Variants in ENOX1 observed in about 807,000 individuals in gnomAD.
The protein encoded by ENOX1 is ecto-NOX disulfide-thiol exchanger 1.
ENOX1 carries 42 observed loss-of-function variants against 82.5 expected under a neutral mutation model. The observed-to-expected ratio is 0.51, with a 90% CI of 0.40 to 0.66. The LOEUF is 0.66. Ranked by LOEUF, ENOX1 falls within the 30% of genes least tolerant of loss-of-function variation. ENOX1 has a pLI of 0.00. For missense variants in ENOX1, 608 were observed against 811.6 expected, an observed-to-expected ratio of 0.75 and a Z score of 3.05; for synonymous variants, 271 against 282.2, an observed-to-expected ratio of 0.96 and a Z score of 0.40.
chr13:43,612,011 C>T (rs1158518999), intron 2 of ENOX1, among the ~76,000 whole-genome samples: 1 of 152,166 alleles, frequency 6.6e-6, no homozygotes, highest in East Asian at 1.9e-4. Context: ...CATTCATATC[C>T]AACCAATTGC....
At chr13:43,332,548 A>T (rs2048466080) in intron 9 of ENOX1, among the ~76,000 whole-genome samples, 1 of 152,146 alleles carries the variant, frequency 6.6e-6, no homozygotes, top group African/African-American at 2.4e-5. Context: ...CAGTATATAA[A>T]AAAACAGGAT....
intron 9 of ENOX1, among the ~76,000 whole-genome samples, chr13:43,327,252 G>T (rs569067066): frequency 2.6e-5 from 4 of 152,256 alleles, no homozygotes; most frequent in African/African-American, 9.6e-5. Flanking sequence ...ACCCTCCATA[G>T]CTCCTCATGA....
At chr13:43,446,360 A>G (rs1270301119) in intron 3 of ENOX1, among the ~76,000 whole-genome samples, 1 of 152,178 alleles carries the variant, frequency 6.6e-6, no homozygotes, top group Non-Finnish European at 1.5e-5. Flanking sequence ...CTGGACTCAG[A>G]AATTCTCCAT....
At position 43,470,384 on chromosome 13, in the gene ENOX1, A is replaced by G. The variant is rs75440566; in HGVS notation, c.-75+13625T>C. Among the ~76,000 whole-genome samples the G allele has an allele frequency of 6.6e-5, 2 of 30,454 alleles. 1 individual carries two copies. Among genetic ancestry groups the G allele is most frequent in the Non-Finnish European group, 2.2e-4 (2 of 9,044 alleles). 20.0% of individuals were successfully genotyped at this position (30,454 alleles called of 152,430 possible). ...TATATACGTATATATATACATATAT[A>G]TACGTATATATATGTGTATATATAT... On this transcript the variant is annotated intron_variant, in intron 3 of 16. Transcript: ENST00000690772.
intron 7 of ENOX1, 91 bp from the exon 8 acceptor site, chr13:43,356,243 AC>A (rs1450927036): frequency 9.1e-7 from 1 of 1,099,322 alleles, no homozygotes; most frequent in Non-Finnish European, 1.3e-6. Context: ...GCAAATGCTC[AC>A]TTATTTCTTG....
intron 1 of ENOX1, among the ~76,000 whole-genome samples, chr13:43,710,129 T>C (rs1786494682): frequency 6.6e-6 from 1 of 151,648 alleles, no homozygotes; most frequent in African/African-American, 2.4e-5. Context: ...TCCAACAGAG[T>C]ATTAAAATAG....
chr13:43,658,041 A>T (rs2084530974), intron 2 of ENOX1, among the ~76,000 whole-genome samples: 1 of 152,138 alleles, frequency 6.6e-6, no homozygotes, highest in Admixed American at 6.6e-5. Flanking sequence ...GTAGTATCTC[A>T]CTGACAATGA....
intron 12 of ENOX1, among the ~76,000 whole-genome samples, chr13:43,283,034 G>A (rs1593696004): frequency 1.3e-5 from 2 of 151,654 alleles, no homozygotes; most frequent in African/African-American, 4.8e-5. Context: ...AGTGAGCCGA[G>A]ATCACGCCAC....
chr13:43,556,376 T>C (rs892297924), intron 2 of ENOX1, among the ~76,000 whole-genome samples: 3 of 152,220 alleles, frequency 2.0e-5, no homozygotes, highest in Non-Finnish European at 4.4e-5. Flanking sequence ...ACAGAGATGA[T>C]AGTGAATACT....
rs912661880 is a variant in ENOX1 at position 43,272,670 on chromosome 13, A to G, written c.1447-3093T>C. Among the ~76,000 whole-genome samples, 20 of 152,262 alleles carry G rather than the reference A, an allele frequency of 1.3e-4. No homozygotes were observed. In the East Asian group the frequency reaches 3.3e-3, roughly 25 times the overall value. On this transcript the variant is annotated intron_variant, in intron 12 of 16. Coordinates refer to ENST00000690772, the MANE Select transcript of ENOX1 (RefSeq NM_001347969.2). ...TGGTTCTTAATTCTGACTCTCCATT[A>G]ACATTATCTGTGAAGATTTTCAAAA...
intron 2 of ENOX1, among the ~76,000 whole-genome samples, chr13:43,539,340 T>C (rs2078610378): frequency 6.6e-6 from 1 of 152,220 alleles, no homozygotes; most frequent in Non-Finnish European, 1.5e-5. Flanking sequence ...TGGCATTAGT[T>C]GCATTTTATA....
chr13:43,360,142 T>G, intron 6 of ENOX1, 85 bp from the exon 7 acceptor site: 2 of 1,252,582 alleles, frequency 1.6e-6, no homozygotes, highest in Non-Finnish European at 2.3e-6. Context: ...GCTTGCAGAG[T>G]AACTTTCTCC....
intron 1 of ENOX1, among the ~76,000 whole-genome samples, chr13:43,777,505 C>A (rs1594771627): frequency 6.6e-6 from 1 of 151,294 alleles, no homozygotes; most frequent in Admixed American, 6.6e-5. Context: ...AAGATGTTAT[C>A]TTTGTGCAAA....
At chr13:43,407,986 G>C (rs768021504) in intron 5 of ENOX1, among the ~76,000 whole-genome samples, 10 of 152,212 alleles carry the variant, frequency 6.6e-5, no homozygotes, top group Non-Finnish European at 2.9e-5. Flanking sequence ...ATGGGATTTA[G>C]GATTGGGGTA....
intron 9 of ENOX1, among the ~76,000 whole-genome samples, chr13:43,332,654 A>G (rs955636207): frequency 1.3e-5 from 2 of 152,190 alleles, no homozygotes; most frequent in African/African-American, 4.8e-5. Context: ...GATTTGCATC[A>G]CTCCAAGTAT....
intron 15 of ENOX1, among the ~76,000 whole-genome samples, chr13:43,224,610 A>G (rs960860094): frequency 1.3e-5 from 2 of 152,218 alleles, no homozygotes; most frequent in African/African-American, 4.8e-5. Context: ...TATTTAATCT[A>G]TATTTCCCCC....
intron 2 of ENOX1, among the ~76,000 whole-genome samples, chr13:43,559,017 C>T (rs1273118145): frequency 6.6e-6 from 1 of 152,162 alleles, no homozygotes; most frequent in African/African-American, 2.4e-5. Flanking sequence ...AACCACTCGG[C>T]TTCCATAACA....
intron 3 of ENOX1, among the ~76,000 whole-genome samples, chr13:43,465,222 T>G (rs1286650073): frequency 6.6e-6 from 1 of 152,236 alleles, no homozygotes; most frequent in Non-Finnish European, 1.5e-5. Context: ...TATATCTACC[T>G]GTACTATTTG....
At chr13:43,432,301 T>A (rs755116974) in intron 3 of ENOX1, among the ~76,000 whole-genome samples, 1 of 152,056 alleles carries the variant, frequency 6.6e-6, no homozygotes. Context: ...TCAAGGACAA[T>A]GAAATATAGT....
Sources: allele counts gnomAD v4.1 joint callset (sites outside exome capture counted in the v4.1 genomes callset), GRCh38; gene constraint gnomAD v4.1.1; transcripts MANE v1.5; gene names NCBI Gene and HGNC (gene_info 2026-07-23, HGNC 2026-07-21).